SWAP70: variants seen among roughly 807,000 people sequenced by gnomAD.
The protein encoded by SWAP70 is switching B cell complex subunit SWAP70.
SWAP70 carries 34 observed loss-of-function variants against 80.2 expected under a neutral mutation model. The observed-to-expected ratio is 0.42, with a 90% CI of 0.32 to 0.56. SWAP70 has a LOEUF of 0.56. Among genes scored for constraint, SWAP70 ranks in the 20% least tolerant of loss-of-function variants. The pLI, the probability that SWAP70 is intolerant of heterozygous loss-of-function variation, is 0.09. For missense variants in SWAP70, 578 were observed against 690.7 expected, an observed-to-expected ratio of 0.84 and a Z score of 1.83; for synonymous variants, 239 against 238.5, an observed-to-expected ratio of 1.00 and a Z score of -0.02.
intron 9 of SWAP70, among the ~76,000 whole-genome samples, chr11:9,744,231 G>T (rs141497847): frequency 6.6e-6 from 1 of 152,028 alleles, no homozygotes; most frequent in Non-Finnish European, 1.5e-5. Flanking sequence ...CAAAGTGCTG[G>T]GATTACAGGC....
chr11:9,747,299 C>T (rs1851524316), intron 9 of SWAP70, among the ~76,000 whole-genome samples: 1 of 152,226 alleles, frequency 6.6e-6, no homozygotes, highest in South Asian at 2.1e-4. Flanking sequence ...AGGCAAGGGC[C>T]TGGCATGTAG....
At chr11:9,687,545 T>G (rs1444034997) in intron 1 of SWAP70, among the ~76,000 whole-genome samples, 2 of 152,250 alleles carry the variant, frequency 1.3e-5, no homozygotes, top group Non-Finnish European at 2.9e-5. Context: ...TACCAGTATT[T>G]TCTGTTTAGT....
chr11:9,677,042 TTC>T (rs1565112462), intron 1 of SWAP70, among the ~76,000 whole-genome samples: 1 of 151,834 alleles, frequency 6.6e-6, no homozygotes, highest in East Asian at 1.9e-4. Context: ...CCAACTGTAT[TTC>T]TCTCTTTTTT....
rs1332217788 is a variant in SWAP70 at position 9,690,737 on chromosome 11, C to A, written c.100-3409C>A. Reference sequence around the variant, plus strand: ...ACCCCATCTCTATTTTTAAAAAATACAAATAAATCTTAAAAAAGAAAAAAA... The same window carrying A: ...ACCCCATCTCTATTTTTAAAAAATAAAAATAAATCTTAAAAAAGAAAAAAA... On this transcript the variant is annotated intron_variant, in intron 1 of 11. Transcript: ENST00000318950. Among the ~76,000 whole-genome samples, 13 of 151,592 alleles carry A rather than the reference C, an allele frequency of 8.6e-5. No individual in the cohort carries two copies. In the South Asian group the frequency reaches 2.7e-3, roughly 32 times the overall value.
At chr11:9,668,457 G>C (rs1850335673) in intron 1 of SWAP70, among the ~76,000 whole-genome samples, 1 of 152,188 alleles carries the variant, frequency 6.6e-6, no homozygotes, top group African/African-American at 2.4e-5. Context: ...CATCTTGCCA[G>C]TGTTCGTAGA....
intron 1 of SWAP70, among the ~76,000 whole-genome samples, chr11:9,679,160 A>G (rs1473799278): frequency 6.6e-6 from 1 of 152,112 alleles, no homozygotes; most frequent in Non-Finnish European, 1.5e-5. Flanking sequence ...TAGAAACACT[A>G]ATTTTTTTGA....
At chr11:9,727,987 A>G (rs190176795) in intron 4 of SWAP70, 66 bp from the exon 5 acceptor site, 18 of 1,414,698 alleles carry the variant, frequency 1.3e-5, no homozygotes, top group Non-Finnish European at 1.6e-5. Flanking sequence ...CAAGTATATC[A>G]AGGAAGAGAT....
chr11:9,708,514 G>A lies in SWAP70; in HGVS notation c.241-4952G>A, dbSNP rs138528009. On this transcript the variant is annotated intron_variant, in intron 2 of 11. Coordinates refer to ENST00000318950, the MANE Select transcript of SWAP70 (RefSeq NM_015055.4). ...TTATTTGTTTTTCTGTTATTGAATT[G>A]TAGGAGTTCTTCATGTATTCTGTTC... Among the ~76,000 whole-genome samples, 3 of 152,296 alleles carry A rather than the reference G, an allele frequency of 2.0e-5. No individual in the cohort carries two copies. The East Asian group carries it at 5.8e-4, about 29-fold the overall frequency.
chr11:9,672,026 T>C (rs1421696543), intron 1 of SWAP70, among the ~76,000 whole-genome samples: 1 of 121,228 alleles, frequency 8.2e-6, no homozygotes, highest in East Asian at 2.2e-4. Flanking sequence ...TAATAATATA[T>C]ATTTTAATAA....
At chr11:9,688,523 T>C (rs949889336) in intron 1 of SWAP70, among the ~76,000 whole-genome samples, 2 of 152,110 alleles carry the variant, frequency 1.3e-5, no homozygotes, top group African/African-American at 4.8e-5. Context: ...ATTTATATGG[T>C]TGGTGCAGAG....
intron 2 of SWAP70, among the ~76,000 whole-genome samples, chr11:9,712,735 C>CT (rs71034736): frequency 0.012 from 1,614 of 132,128 alleles, 20 homozygotes; most frequent in African/African-American, 0.034. Context: ...TATCTTCTTC[C>CT]TTTTTTTTTT....
rs1186549749 is a variant in SWAP70 at position 9,750,559 on chromosome 11, G to C, written c.*589G>C. 1.3e-5 allele frequency: 2 copies of C among 152,338 alleles called. No homozygotes were observed. The highest frequency in any genetic ancestry group is 2.9e-5 in the Non-Finnish European group (2 of 68,168). The allele number at this position is 152,338 out of a possible 1,614,324, so 9.4% of individuals were successfully genotyped here. Reference sequence around the variant, plus strand: ...ATCACCTTCTGAAATTTGTCTTTTAGCTCTCTCAGATTCTTCCCCAAATGA... The same window carrying C: ...ATCACCTTCTGAAATTTGTCTTTTACCTCTCTCAGATTCTTCCCCAAATGA... On this transcript the variant is annotated 3_prime_UTR_variant, in exon 12 of 12. Coordinates refer to ENST00000318950, the MANE Select transcript of SWAP70 (RefSeq NM_015055.4).
intron 7 of SWAP70, among the ~76,000 whole-genome samples, chr11:9,734,411 A>C (rs942489082): frequency 6.6e-6 from 1 of 152,172 alleles, no homozygotes; most frequent in African/African-American, 2.4e-5. Flanking sequence ...TGCTCTGTAT[A>C]ATGTGAAGAA....
intron 2 of SWAP70, among the ~76,000 whole-genome samples, chr11:9,703,152 G>T (rs1003491616): frequency 3.3e-5 from 5 of 152,006 alleles, no homozygotes; most frequent in Admixed American, 2.6e-4. Context: ...GCCTATTCTG[G>T]ACATATAATA....
chr11:9,671,568 T>TTA (rs1390568492), intron 1 of SWAP70, among the ~76,000 whole-genome samples: 18 of 61,410 alleles, frequency 2.9e-4, no homozygotes, highest in Middle Eastern at 0.025. Flanking sequence ...ATAAATATAT[T>TTA]TATATAGAAA....
chr11:9,722,488 TA>T (rs1331935165), intron 3 of SWAP70, among the ~76,000 whole-genome samples: 1 of 152,220 alleles, frequency 6.6e-6, no homozygotes, highest in African/African-American at 2.4e-5. Flanking sequence ...CAAATGGAAG[TA>T]CTAGGGGTTT....
chr11:9,745,027 C>G (rs191403655), intron 9 of SWAP70, among the ~76,000 whole-genome samples: 1 of 152,280 alleles, frequency 6.6e-6, no homozygotes, highest in African/African-American at 2.4e-5. Context: ...TCTGTATTCC[C>G]AGCAACTCGT....
At chr11:9,669,373 A>G (rs538652179) in intron 1 of SWAP70, among the ~76,000 whole-genome samples, 1 of 152,238 alleles carries the variant, frequency 6.6e-6, no homozygotes, top group Non-Finnish European at 1.5e-5. Flanking sequence ...GGGACTACAG[A>G]TGTGCACCAC....
At chr11:9,723,774 T>C (rs1275917640) in intron 3 of SWAP70, among the ~76,000 whole-genome samples, 1 of 68,654 alleles carries the variant, frequency 1.5e-5, no homozygotes, top group African/African-American at 6.0e-5. Flanking sequence ...TTCTTTACTT[T>C]TTTTTTTTTT....
Sources: allele counts gnomAD v4.1 joint callset (sites outside exome capture counted in the v4.1 genomes callset), GRCh38; gene constraint gnomAD v4.1.1; transcripts MANE v1.5; gene names NCBI Gene and HGNC (gene_info 2026-07-23, HGNC 2026-07-21).